PKNOX2: variants seen among roughly 807,000 people sequenced by gnomAD.
The protein encoded by PKNOX2 is homeobox protein PKNOX2.
A neutral mutation model predicts 53.1 loss-of-function variants in PKNOX2; 14 were observed. The observed-to-expected ratio is 0.26, with a 90% CI of 0.17 to 0.41. The LOEUF (loss-of-function observed/expected upper bound fraction) is 0.41, where lower values mean the gene tolerates loss of function less well. Ranked by LOEUF, PKNOX2 falls within the 10% of genes least tolerant of loss-of-function variation. The pLI is 1.00. For synonymous variants in PKNOX2, 257 were observed against 242.8 expected (o/e 1.06, Z -0.54); for missense variants, 496 against 602.8 (o/e 0.82, Z 1.85).
At chr11:125,279,829 AAAATT>A (rs1946428250) in intron 2 of PKNOX2, among the ~76,000 whole-genome samples, 1 of 152,250 alleles carries the variant, frequency 6.6e-6, no homozygotes, top group Non-Finnish European at 1.5e-5. Flanking sequence ...CAAATTAAGC[AAAATT>A]AAATACATTT....
chr11:125,347,923 C>T (rs929616647), intron 3 of PKNOX2, among the ~76,000 whole-genome samples: 5 of 152,198 alleles, frequency 3.3e-5, no homozygotes, highest in African/African-American at 1.2e-4. Context: ...CTTGACTGTG[C>T]CCCCTTGAAT....
intron 1 of PKNOX2, among the ~76,000 whole-genome samples, chr11:125,176,261 A>T (rs1185909488): frequency 6.6e-6 from 1 of 152,218 alleles, no homozygotes; most frequent in African/African-American, 2.4e-5. Context: ...GGCCTCTGCC[A>T]GGTCCTGTTG....
At chr11:125,189,158 G>A (rs1956632328) in intron 1 of PKNOX2, among the ~76,000 whole-genome samples, 1 of 151,584 alleles carries the variant, frequency 6.6e-6, no homozygotes, top group Admixed American at 6.6e-5. Context: ...GGGTATAGGT[G>A]AATTAAGTTC....
At chr11:125,413,579 C>T (rs1955694816) in intron 10 of PKNOX2, among the ~76,000 whole-genome samples, 1 of 152,174 alleles carries the variant, frequency 6.6e-6, no homozygotes, top group African/African-American at 2.4e-5. Context: ...ACATACGATG[C>T]AGGGTCACAG....
intron 2 of PKNOX2, chr11:125,288,036 G>A (rs1245693522): frequency 1.3e-5 from 2 of 152,258 alleles, no homozygotes; most frequent in Admixed American, 1.3e-4. Context: ...GAACCAGATG[G>A]GCAGGACAGC....
chr11:125,179,336 A>G (rs753989712), intron 1 of PKNOX2, among the ~76,000 whole-genome samples: 3 of 152,194 alleles, frequency 2.0e-5, no homozygotes, highest in Admixed American at 2.0e-4. Context: ...ACGAGCTTTG[A>G]GGAGAAGAGC....
chr11:125,421,222 G>A lies in PKNOX2; in HGVS notation c.937-7790G>A, dbSNP rs75643807. The stretch of plus-strand genomic sequence containing the variant: ...TAATCAAGTGCTATTATACAAGCAC[G>A]GACACTCGAGTGGCTCAAGAGCCAG... On this transcript the variant is annotated intron_variant, in intron 10 of 12. Coordinates refer to ENST00000298282, the MANE Select transcript of PKNOX2 (RefSeq NM_001382323.2). 5.1e-4 allele frequency among the ~76,000 whole-genome samples: 78 copies of A among 152,288 alleles called. 1 individual carries two copies. Among genetic ancestry groups the A allele is most frequent in the African/African-American group, 1.2e-3 (48 of 41,556 alleles).
chr11:125,179,355 G>A (rs1175402489), intron 1 of PKNOX2, among the ~76,000 whole-genome samples: 1 of 152,166 alleles, frequency 6.6e-6, no homozygotes, highest in Non-Finnish European at 1.5e-5. Context: ...GCCTAACACT[G>A]TGGGAGCATT....
Position 125,378,969 on chromosome 11 carries a change from TG to T in PKNOX2, c.228-6581del, listed in dbSNP as rs200056820. On this transcript the variant is annotated intron_variant, in intron 5 of 12. Transcript: ENST00000298282. The stretch of plus-strand genomic sequence containing the variant: ...TACTCCTCCCCTAAGAAGGAAGAAA[TG>T]TTTGTTTTTTTTTTTTAAACCCAGG... 7.0e-3 allele frequency among the ~76,000 whole-genome samples: 1,037 copies of T among 147,442 alleles called. 12 individuals carry two copies. Among genetic ancestry groups the T allele is most frequent in the African/African-American group, 0.025 (935 of 38,038 alleles).
intron 1 of PKNOX2, among the ~76,000 whole-genome samples, chr11:125,176,363 C>T (rs548846784): frequency 5.3e-4 from 80 of 152,270 alleles, no homozygotes; most frequent in Non-Finnish European, 7.6e-4. Context: ...CCTGCGGAGG[C>T]GCTAGGGATA....
At chr11:125,376,193 G>A (rs991597024) in intron 5 of PKNOX2, among the ~76,000 whole-genome samples, 1 of 152,226 alleles carries the variant, frequency 6.6e-6, no homozygotes, top group Admixed American at 6.5e-5. Flanking sequence ...CCCACCTGGG[G>A]GAGGAGAGCT....
At chr11:125,394,679 C>T (rs1297700520) in intron 6 of PKNOX2, among the ~76,000 whole-genome samples, 1 of 152,210 alleles carries the variant, frequency 6.6e-6, no homozygotes, top group African/African-American at 2.4e-5. Flanking sequence ...ATTGTCCAAA[C>T]TCTCCTCTAG....
At chr11:125,347,445 C>G (rs1050970017) in intron 3 of PKNOX2, among the ~76,000 whole-genome samples, 1 of 152,168 alleles carries the variant, frequency 6.6e-6, no homozygotes, top group Non-Finnish European at 1.5e-5. Flanking sequence ...TCAACAAGTC[C>G]TAATGAGCTC....
intron 2 of PKNOX2, among the ~76,000 whole-genome samples, chr11:125,257,427 G>A (rs1408596811): frequency 1.3e-5 from 2 of 152,190 alleles, no homozygotes; most frequent in Non-Finnish European, 2.9e-5. Flanking sequence ...TGGCCAGTGA[G>A]CTGGAGGCTG....
intron 3 of PKNOX2, among the ~76,000 whole-genome samples, chr11:125,340,183 G>A (rs975207109): frequency 1.3e-5 from 2 of 152,232 alleles, no homozygotes; most frequent in African/African-American, 2.4e-5. Context: ...GGCACAGAGT[G>A]TGTGTCCATT....
At chr11:125,303,530 C>T (rs886828919) in intron 2 of PKNOX2, among the ~76,000 whole-genome samples, 25 of 152,288 alleles carry the variant, frequency 1.6e-4, no homozygotes, top group Non-Finnish European at 2.9e-4. Flanking sequence ...GGGCCTCTTT[C>T]CCTGTGGATC....
Position 125,353,953 on chromosome 11 carries a change from T to C in PKNOX2, c.87+2561T>C, listed in dbSNP as rs143866347. Among the ~76,000 whole-genome samples the C allele has an allele frequency of 6.9e-3, 1,043 of 152,188 alleles. 14 individuals are homozygous for C. The highest frequency in any genetic ancestry group is 0.024 in the African/African-American group (998 of 41,536). The stretch of plus-strand genomic sequence containing the variant: ...TGGGAGGGATGGGGGAGCTGGGGGA[T>C]GCCCCCAGAACAAAGGCTTCTGACT... On this transcript the variant is annotated intron_variant, in intron 4 of 12. Coordinates refer to ENST00000298282, the MANE Select transcript of PKNOX2 (RefSeq NM_001382323.2).
chr11:125,372,365 GTC>G (rs34401354), intron 5 of PKNOX2, among the ~76,000 whole-genome samples: 13,259 of 152,238 alleles, frequency 0.087, 840 homozygotes, highest in Non-Finnish European at 0.13. Flanking sequence ...CAGGCGCACA[GTC>G]TCTAGATTTA....
At position 125,431,709 on chromosome 11, in the gene PKNOX2, C is replaced by T; in HGVS notation, c.*317C>T. ...CTGAGGATAGATGGCACCCATGGCC[C>T]CCACCCACGGAAGGACTTGAGTTGT... On this transcript the variant is annotated 3_prime_UTR_variant, in exon 13 of 13. Transcript: ENST00000298282. 2.8e-6 allele frequency: 1 copy of T among 358,990 alleles called. No individual in the cohort carries two copies. The highest frequency in any genetic ancestry group is 5.2e-6 in the Non-Finnish European group (1 of 193,590). 22.2% of individuals were successfully genotyped at this position (358,990 alleles called of 1,614,324 possible). A position where few individuals can be genotyped will look rare whatever the true frequency, so the allele number is the denominator to read the frequency against.
Sources: gnomAD v4.1 joint callset for allele counts (sites outside exome capture counted in the v4.1 genomes callset) on GRCh38, gnomAD v4.1.1 for gene constraint, MANE v1.5 for transcripts, NCBI Gene and HGNC (gene_info 2026-07-23, HGNC 2026-07-21) for gene names.